The following LCK variants were observed in gnomAD, a reference collection of about 807,000 sequenced individuals.
The protein encoded by LCK is LCK proto-oncogene, Src family tyrosine kinase.
Under a neutral mutation model 64.6 loss-of-function variants are expected in LCK, and 14 were observed. The observed-to-expected ratio is 0.22, with a 90% confidence interval of 0.14 to 0.34. The LOEUF is 0.34. Among genes scored for constraint, LCK ranks in the 10% least tolerant of loss-of-function variants. LCK has a pLI of 1.00. For missense variants in LCK, 434 were observed against 668.1 expected (o/e 0.65, Z 3.86); for synonymous variants, 277 against 263.6 (o/e 1.05, Z -0.49).
At chr1:32,268,642 G>A (rs2124335273) in intron 1 of LCK, among the ~76,000 whole-genome samples, 1 of 151,710 alleles carries the variant, frequency 6.6e-6, no homozygotes, top group Non-Finnish European at 1.5e-5. Context: ...AAATAAATAA[G>A]TAAATAAATA....
intron 12 of LCK, among the ~76,000 whole-genome samples, chr1:32,284,253 T>G (rs753954989): frequency 1.1e-4 from 16 of 145,682 alleles, no homozygotes; most frequent in Non-Finnish European, 2.1e-4. Context: ...CTTTCTGTGA[T>G]ATATATATAT....
intron 12 of LCK, among the ~76,000 whole-genome samples, chr1:32,282,881 C>G (rs561736331): frequency 5.3e-5 from 8 of 152,052 alleles, no homozygotes; most frequent in African/African-American, 1.7e-4. Flanking sequence ...AGGGCCAATC[C>G]AAAGTGGATC....
intron 1 of LCK, among the ~76,000 whole-genome samples, chr1:32,256,104 T>C (rs918998261): frequency 2.0e-5 from 3 of 152,000 alleles, no homozygotes; most frequent in Admixed American, 1.3e-4. Flanking sequence ...CCCGTCTCTA[T>C]TAAAACATAA....
chr1:32,278,043 G>T (rs1465301402), intron 9 of LCK, among the ~76,000 whole-genome samples: 2 of 152,148 alleles, frequency 1.3e-5, no homozygotes, highest in Admixed American at 6.6e-5. Flanking sequence ...GCTGGGCATA[G>T]TGGTGTATGC....
At position 32,276,377 on chromosome 1, in the gene LCK, C is replaced by T. The variant is rs1166943389; in HGVS notation, c.672C>T (p.Cys224=). ...DGLCTRLSRP[C]QTQKPQKPWW... ...TGTGCACACGGTTGAGCCGCCCCTG[C>T]CAGACCCAGAAGCCCCAGAAGCCGT... The change falls in exon 8 of 13, where the codon TGC becomes TGT. Residue 224 remains cysteine, a synonymous_variant. Transcript: ENST00000336890. The surrounding 1 kb of genome is among the most constrained non-coding windows in gnomAD (Gnocchi z 4.6). The T allele has an allele frequency of 6.2e-7, 1 of 1,611,154 alleles. No individual in the cohort carries two copies. The highest frequency in any genetic ancestry group is 8.5e-7 in the Non-Finnish European group (1 of 1,179,534).
chr1:32,261,237 C>T (rs1172016816), intron 1 of LCK, among the ~76,000 whole-genome samples: 1 of 140,260 alleles, frequency 7.1e-6, no homozygotes, highest in African/African-American at 2.7e-5. Flanking sequence ...TCATGCTTGG[C>T]TAATTTTTTT....
chr1:32,259,635 T>G (rs56348024), intron 1 of LCK, among the ~76,000 whole-genome samples: 1 of 148,752 alleles, frequency 6.7e-6, no homozygotes, highest in East Asian at 2.0e-4. Flanking sequence ...ATAAAAATAA[T>G]AATAATAATA....
chr1:32,255,384 A>G (rs1357410487), intron 1 of LCK, among the ~76,000 whole-genome samples: 2 of 152,196 alleles, frequency 1.3e-5, no homozygotes, highest in African/African-American at 4.8e-5. Context: ...TCCCCTGTAT[A>G]CATATGTCAA....
chr1:32,272,605 AAGAGAGAGAGAGAGAGAAAGAGAG>A (rs1640111092), intron 1 of LCK, among the ~76,000 whole-genome samples: 2 of 135,664 alleles, frequency 1.5e-5, no homozygotes, highest in Admixed American at 7.2e-5. Flanking sequence ...GAGAGAGAGA[AAGAGAGAGAGAGAGAGAAAGAGAG>A]AGAGAGAGAG....
chr1:32,265,257 C>G (rs576865228), intron 1 of LCK, among the ~76,000 whole-genome samples: 1 of 151,804 alleles, frequency 6.6e-6, no homozygotes, highest in East Asian at 1.9e-4. Context: ...TTTGTCAAAA[C>G]AAGAAACAAA....
At chr1:32,254,447 A>C (rs1639580556) in intron 1 of LCK, among the ~76,000 whole-genome samples, 1 of 152,204 alleles carries the variant, frequency 6.6e-6, no homozygotes, top group Admixed American at 6.5e-5. Context: ...TAGCCTCCCC[A>C]GTAACTGGGA....
intron 1 of LCK, among the ~76,000 whole-genome samples, chr1:32,266,245 A>C (rs656259): frequency 3.3e-5 from 5 of 151,702 alleles, no homozygotes; most frequent in East Asian, 1.9e-4. Context: ...GTGATCCCAG[A>C]ACTTTGGGAG....
intron 1 of LCK, among the ~76,000 whole-genome samples, chr1:32,259,604 A>C (rs1639716229): frequency 6.6e-6 from 1 of 150,640 alleles, no homozygotes; most frequent in Non-Finnish European, 1.5e-5. Context: ...TGGGCGATAG[A>C]GTGAGACTTC....
At chr1:32,258,025 A>C (rs1014215925) in intron 1 of LCK, among the ~76,000 whole-genome samples, 5 of 151,868 alleles carry the variant, frequency 3.3e-5, no homozygotes, top group Non-Finnish European at 7.4e-5. Context: ...GCTTGCACCT[A>C]TAATCACAGC....
At chr1:32,253,343 C>G (rs1557567157) in intron 1 of LCK, among the ~76,000 whole-genome samples, 1 of 152,148 alleles carries the variant, frequency 6.6e-6, no homozygotes. Flanking sequence ...GCCTAGGCAA[C>G]AGAGCGAAAC....
chr1:32,264,270 C>T (rs1362030402), intron 1 of LCK, among the ~76,000 whole-genome samples: 1 of 152,106 alleles, frequency 6.6e-6, no homozygotes, highest in African/African-American at 2.4e-5. Context: ...CCCTGTCAGA[C>T]CTGCCTTCCT....
At position 32,275,617 on chromosome 1, in the gene LCK, G is replaced by A. The variant is rs1395943646; in HGVS notation, c.426G>A (p.Leu142=). The part of the protein sequence containing the change: ...LSRKDAERQL[L]APGNTHGSFL... Reference sequence around the variant, plus strand: ...GCAAGGACGCGGAGCGGCAGCTCCTGGCGCCCGGGAACACTCACGGCTCCT... The same window carrying A: ...GCAAGGACGCGGAGCGGCAGCTCCTAGCGCCCGGGAACACTCACGGCTCCT... The change falls in exon 6 of 13, where the codon CTG becomes CTA. Residue 142 remains leucine, a synonymous_variant. Coordinates refer to ENST00000336890, the MANE Select transcript of LCK (RefSeq NM_005356.5). The surrounding 1 kb of genome is among the most constrained non-coding windows in gnomAD (Gnocchi z 6.9). The A allele has an allele frequency of 6.4e-7, 1 of 1,574,240 alleles. No homozygotes were observed. Among genetic ancestry groups the A allele is most frequent in the South Asian group, 1.2e-5 (1 of 86,336 alleles).
At chr1:32,260,901 C>T (rs555204445) in intron 1 of LCK, among the ~76,000 whole-genome samples, 3 of 152,246 alleles carry the variant, frequency 2.0e-5, no homozygotes, top group Admixed American at 6.5e-5. Flanking sequence ...AGATTACTGG[C>T]GTGAGCCATT....
intron 1 of LCK, among the ~76,000 whole-genome samples, chr1:32,261,677 A>G (rs111938440): frequency 0.12 from 17,609 of 141,624 alleles, 2,071 homozygotes; most frequent in African/African-American, 0.28. Flanking sequence ...AAAAAGGGCC[A>G]GGTGTGGTGG....
Sources: gnomAD v4.1 joint callset for allele counts (sites outside exome capture counted in the v4.1 genomes callset) on GRCh38, gnomAD v4.1.1 for gene constraint, Gnocchi (gnomAD v3.1) non-coding constraint, MANE v1.5 for transcripts, NCBI Gene and HGNC (gene_info 2026-07-23, HGNC 2026-07-21) for gene names.